DDAH1: variants seen among roughly 807,000 people sequenced by gnomAD.
DDAH1 encodes the protein dimethylarginine dimethylaminohydrolase 1.
Under a neutral mutation model 28.8 loss-of-function variants are expected in DDAH1, and 19 were observed. The observed-to-expected ratio is 0.66, with a 90% CI of 0.46 to 0.97. DDAH1 has a LOEUF of 0.97. DDAH1 is among the 50% of genes least tolerant of loss of function. The probability of loss-of-function intolerance (pLI) is 0.00; values close to 1 mark genes in which losing one functional copy is unlikely to be tolerated. For synonymous variants in DDAH1, 153 were observed against 154.4 expected, an observed-to-expected ratio of 0.99 and a Z score of 0.07; for missense variants, 326 against 375.9, an observed-to-expected ratio of 0.87 and a Z score of 1.10.
intron 2 of DDAH1, among the ~76,000 whole-genome samples, chr1:85,475,846 T>C (rs1363685203): frequency 1.3e-5 from 2 of 152,078 alleles, no homozygotes; most frequent in Non-Finnish European, 2.9e-5. Flanking sequence ...TGTTTGTTCG[T>C]TTGTTTTTGG....
chr1:85,516,220 C>A (rs1307351016), intron 1 of DDAH1, among the ~76,000 whole-genome samples: 1 of 151,944 alleles, frequency 6.6e-6, no homozygotes, highest in Admixed American at 6.6e-5. Context: ...CAGCCCATAA[C>A]ACATGGGATA....
chr1:85,437,134 C>T (rs1018155975), intron 1 of DDAH1, among the ~76,000 whole-genome samples: 11 of 152,114 alleles, frequency 7.2e-5, no homozygotes, highest in African/African-American at 2.4e-4. Context: ...CTGCCACCAG[C>T]CCCTCCACAC....
At chr1:85,531,224 C>A (rs1323667552) in intron 1 of DDAH1, among the ~76,000 whole-genome samples, 1 of 152,106 alleles carries the variant, frequency 6.6e-6, no homozygotes, top group Admixed American at 6.6e-5. Context: ...GCCTCTACCC[C>A]TTTCAATCCT....
rs1213560135 is a variant in DDAH1, at chr1:85,372,544, A to T, written c.304-13697T>A. ...TTGCCTTTCCTAAATTACTTTAAAA[A>T]ATATGGTAAGCCATATTTTTCTTGC... is the stretch of plus-strand genomic sequence containing the variant. On this transcript the variant is annotated intron_variant, in intron 1 of 5. Coordinates refer to ENST00000284031, the MANE Select transcript of DDAH1 (RefSeq NM_012137.4). 2.6e-5 allele frequency among the ~76,000 whole-genome samples: 4 copies of T among 152,116 alleles called. No individual in the cohort carries two copies. In the South Asian group the frequency reaches 6.2e-4, roughly 24 times the overall value.
intron 1 of DDAH1, among the ~76,000 whole-genome samples, chr1:85,421,093 C>G (rs1423925048): frequency 1.3e-5 from 2 of 152,146 alleles, no homozygotes; most frequent in African/African-American, 4.8e-5. Context: ...AACTCACTCA[C>G]TATTGTGAGG....
At position 85,339,010 on chromosome 1, in the gene DDAH1, G is replaced by C. The variant is rs1340362955; in HGVS notation, c.597+11405C>G. On this transcript the variant is annotated intron_variant, in intron 4 of 5. Coordinates refer to ENST00000284031, the MANE Select transcript of DDAH1 (RefSeq NM_012137.4). ...TGCCGTGAGCTAAGATCGTGCCATT[G>C]TACTCCAGCCTGGGAGACAGAGCAA... is the stretch of plus-strand genomic sequence containing the variant. Among the ~76,000 whole-genome samples, 4 of 147,586 alleles carry C rather than the reference G, an allele frequency of 2.7e-5. No homozygotes were observed. In the East Asian group the frequency reaches 7.9e-4, roughly 29 times the overall value.
At chr1:85,570,433 C>T (rs1244556768) in intron 1 of DDAH1, among the ~76,000 whole-genome samples, 1 of 151,506 alleles carries the variant, frequency 6.6e-6, no homozygotes, top group African/African-American at 2.4e-5. Flanking sequence ...TTCATATAGT[C>T]ATCTAACTTC....
chr1:85,339,646 T>G (rs887231334), intron 4 of DDAH1, among the ~76,000 whole-genome samples: 1 of 152,174 alleles, frequency 6.6e-6, no homozygotes, highest in African/African-American at 2.4e-5. Context: ...TCTAGTATTG[T>G]GTCATGTAGT....
chr1:85,424,588 C>T (rs1653306892), intron 1 of DDAH1, among the ~76,000 whole-genome samples: 2 of 152,004 alleles, frequency 1.3e-5, no homozygotes, highest in Non-Finnish European at 2.9e-5. Flanking sequence ...ACTAGTATCT[C>T]CATTTTCTCA....
At chr1:85,477,882 T>C (rs564559882) in intron 2 of DDAH1, among the ~76,000 whole-genome samples, 29 of 152,236 alleles carry the variant, frequency 1.9e-4, no homozygotes, top group Admixed American at 1.6e-3. Flanking sequence ...GGAAATTTTA[T>C]GCTTTTATTC....
At chr1:85,498,938 T>C (rs1228397959) in intron 1 of DDAH1, among the ~76,000 whole-genome samples, 1 of 150,134 alleles carries the variant, frequency 6.7e-6, no homozygotes, top group Non-Finnish European at 1.5e-5. Flanking sequence ...ATAAAAATAA[T>C]AAAAAAAATT....
intron 1 of DDAH1, among the ~76,000 whole-genome samples, chr1:85,544,554 C>G (rs1658562437): frequency 6.6e-6 from 1 of 152,140 alleles, no homozygotes; most frequent in Non-Finnish European, 1.5e-5. Flanking sequence ...TTTCTCTTCA[C>G]TCAGACACCC....
intron 1 of DDAH1, among the ~76,000 whole-genome samples, chr1:85,458,485 G>A (rs1164569267): frequency 7.0e-6 from 1 of 143,204 alleles, no homozygotes; most frequent in Admixed American, 7.3e-5. Context: ...CTGGAGTGCA[G>A]TGGTGCTATC....
intron 1 of DDAH1, among the ~76,000 whole-genome samples, chr1:85,388,120 G>C (rs961518466): frequency 6.6e-6 from 1 of 152,154 alleles, no homozygotes; most frequent in African/African-American, 2.4e-5. Context: ...AACACTGGGG[G>C]TCAAATTTCA....
chr1:85,543,050 T>C (rs1475268365), intron 1 of DDAH1, among the ~76,000 whole-genome samples: 1 of 152,222 alleles, frequency 6.6e-6, no homozygotes, highest in East Asian at 1.9e-4. Context: ...ATGCTTTTAA[T>C]GATTCTACTA....
chr1:85,415,159 T>C (rs1652837311), intron 1 of DDAH1, among the ~76,000 whole-genome samples: 1 of 151,772 alleles, frequency 6.6e-6, no homozygotes, highest in African/African-American at 2.4e-5. Flanking sequence ...GGATTACAGG[T>C]GCCTGACACC....
rs114190652 is a variant in DDAH1, at chr1:85,330,208, G to A, written c.598-5325C>T. Among the ~76,000 whole-genome samples the A allele has an allele frequency of 6.2e-3, 949 of 152,268 alleles. 8 individuals are homozygous for A. The highest frequency in any genetic ancestry group is 0.022 in the African/African-American group (920 of 41,562). ...CATCTTTCCCTTTTTACACCCTAAT[G>A]GGCACTGTGAGGATGTGTTAACACA... On this transcript the variant is annotated intron_variant, in intron 4 of 5. Transcript: ENST00000284031.
chr1:85,349,942 C>A (rs1351512789), intron 4 of DDAH1, among the ~76,000 whole-genome samples: 1 of 152,148 alleles, frequency 6.6e-6, no homozygotes, highest in Non-Finnish European at 1.5e-5. Flanking sequence ...ATTCCAAATG[C>A]AAATGAAGAA....
intron 2 of DDAH1, among the ~76,000 whole-genome samples, chr1:85,489,492 T>C (rs977471208): frequency 1.3e-5 from 2 of 152,172 alleles, no homozygotes; most frequent in African/African-American, 4.8e-5. Context: ...TATTTTACTA[T>C]ACATTTTCTT....
Sources: gnomAD v4.1 joint callset for allele counts (sites outside exome capture counted in the v4.1 genomes callset) on GRCh38, gnomAD v4.1.1 for gene constraint, MANE v1.5 for transcripts, NCBI Gene and HGNC (gene_info 2026-07-23, HGNC 2026-07-21) for gene names.